The following PVT1 variants were observed in gnomAD, a reference collection of about 807,000 sequenced individuals.
The protein encoded by PVT1 is CXCR4/PVT1 fusion.
At chr8:127,865,294 G>C (rs943055351) in intron 2 of PVT1, among the ~76,000 whole-genome samples, 18 of 152,182 alleles carry the variant, frequency 1.2e-4, no homozygotes, top group African/African-American at 4.3e-4. Flanking sequence ...GGCAGCCTGA[G>C]GATGGGGATA....
intron 4 of PVT1, among the ~76,000 whole-genome samples, chr8:128,051,231 A>G (rs1419479903): frequency 6.6e-6 from 1 of 152,206 alleles, no homozygotes; most frequent in East Asian, 1.9e-4. Context: ...TCCAGTGAGG[A>G]GGTTGCATTA....
chr8:127,820,204 A>G (rs1814713568), intron 2 of PVT1, among the ~76,000 whole-genome samples: 1 of 152,162 alleles, frequency 6.6e-6, no homozygotes, highest in Non-Finnish European at 1.5e-5. Flanking sequence ...TTTAATCAGC[A>G]AGAGTGGATT....
intron 3 of PVT1, among the ~76,000 whole-genome samples, chr8:127,951,086 T>TG (rs1442253817): frequency 6.6e-6 from 1 of 152,054 alleles, no homozygotes; most frequent in Non-Finnish European, 1.5e-5. Flanking sequence ...TTAGTAGAGA[T>TG]GGGGTTTCAC....
intron 2 of PVT1, among the ~76,000 whole-genome samples, chr8:127,846,362 C>G (rs1815033882): frequency 6.6e-6 from 1 of 152,200 alleles, no homozygotes; most frequent in Admixed American, 6.5e-5. Flanking sequence ...CTTTCCTGGT[C>G]TCCTCTCTCT....
At chr8:127,932,413 A>G in intron 3 of PVT1, 2 of 398,634 alleles carry the variant, frequency 5.0e-6, no homozygotes, top group Non-Finnish European at 8.8e-6. Flanking sequence ...CGAACATGGG[A>G]GGACATGCGA....
chr8:127,999,193 C>A (rs944740160), intron 4 of PVT1: 3 of 152,150 alleles, frequency 2.0e-5, no homozygotes, highest in African/African-American at 7.2e-5. Flanking sequence ...TGAGGCTTAT[C>A]CATTGCACTC....
intron 4 of PVT1, among the ~76,000 whole-genome samples, chr8:128,020,468 C>G (rs1817420659): frequency 6.6e-6 from 1 of 152,148 alleles, no homozygotes; most frequent in South Asian, 2.1e-4. Flanking sequence ...AAATGTGGGG[C>G]CCACTTGTAG....
At chr8:127,967,847 C>T (rs1225683521) in intron 3 of PVT1, among the ~76,000 whole-genome samples, 1 of 152,258 alleles carries the variant, frequency 6.6e-6, no homozygotes, top group Non-Finnish European at 1.5e-5. Flanking sequence ...TCTGAGCACA[C>T]ACAGGCTCCC....
chr8:128,027,572 C>T (rs1215791605), intron 4 of PVT1, among the ~76,000 whole-genome samples: 1 of 152,180 alleles, frequency 6.6e-6, no homozygotes, highest in African/African-American at 2.4e-5. Flanking sequence ...ATGGAATCAC[C>T]AGGGAGCCCA....
At chr8:128,049,266 T>C (rs777940162) in intron 4 of PVT1, 3 of 507,092 alleles carry the variant, frequency 5.9e-6, no homozygotes, top group Non-Finnish European at 4.0e-6. Context: ...AGCAGGTCAT[T>C]TCGAGATGTT....
intron 3 of PVT1, among the ~76,000 whole-genome samples, chr8:127,933,348 T>TA: frequency 6.6e-6 from 1 of 152,342 alleles, no homozygotes; most frequent in East Asian, 1.9e-4. Context: ...GTGCTGGGGT[T>TA]ACAGGCGCGA....
chr8:127,958,175 C>T (rs564876705), intron 3 of PVT1, among the ~76,000 whole-genome samples: 11 of 152,316 alleles, frequency 7.2e-5, no homozygotes, highest in Middle Eastern at 3.4e-3. Context: ...TCAGCACCTA[C>T]TATACCAACC....
chr8:128,007,798 T>C (rs1817264765), intron 4 of PVT1, among the ~76,000 whole-genome samples: 1 of 152,356 alleles, frequency 6.6e-6, no homozygotes, highest in Admixed American at 6.5e-5. Flanking sequence ...TATTCTCTTT[T>C]GCATTTTCCA....
intron 5 of PVT1, among the ~76,000 whole-genome samples, chr8:128,095,285 T>G (rs1814412688): frequency 6.6e-6 from 1 of 152,078 alleles, no homozygotes; most frequent in Non-Finnish European, 1.5e-5. Flanking sequence ...GGTGATGCTT[T>G]TTCTTGGGGT....
At chr8:127,860,405 G>A (rs1327701944) in intron 2 of PVT1, among the ~76,000 whole-genome samples, 4 of 152,128 alleles carry the variant, frequency 2.6e-5, no homozygotes, top group Admixed American at 1.3e-4. Context: ...TCGGAGCTTC[G>A]GAGCTCAGGG....
chr8:128,093,645 T>C (rs1814388981), intron 5 of PVT1, among the ~76,000 whole-genome samples: 1 of 152,090 alleles, frequency 6.6e-6, no homozygotes, highest in Non-Finnish European at 1.5e-5. Context: ...TGCACATTTT[T>C]TTCTTTTTTT....
intron 4 of PVT1, among the ~76,000 whole-genome samples, chr8:127,995,092 G>T (rs562622508): frequency 6.6e-6 from 1 of 152,308 alleles, no homozygotes; most frequent in African/African-American, 2.4e-5. Flanking sequence ...TGTATTTACT[G>T]GGTAACGTGC....
intron 3 of PVT1, among the ~76,000 whole-genome samples, chr8:127,956,390 G>A (rs1004107163): frequency 2.0e-5 from 3 of 152,250 alleles, no homozygotes; most frequent in African/African-American, 7.2e-5. Context: ...CAGATAGGGA[G>A]CTGTTGCAGG....
chr8:127,823,612 C>T (rs572573750), intron 2 of PVT1, among the ~76,000 whole-genome samples: 1 of 152,202 alleles, frequency 6.6e-6, no homozygotes, highest in African/African-American at 2.4e-5. Flanking sequence ...AGCAATGTCC[C>T]GGGACTCACA....
Sources: gnomAD v4.1 joint callset for allele counts (sites outside exome capture counted in the v4.1 genomes callset) on GRCh38, gnomAD v4.1.1 for gene constraint, MANE v1.5 for transcripts, NCBI Gene and HGNC (gene_info 2026-07-23, HGNC 2026-07-21) for gene names.